Variants in VAC14 observed in about 807,000 individuals in gnomAD.
The protein encoded by VAC14 is VAC14 component of PIKFYVE complex.
A neutral mutation model predicts 85.3 loss-of-function variants in VAC14; 47 were observed. That is an observed-to-expected ratio of 0.55 (90% CI 0.44 to 0.70). The LOEUF is 0.70. Ranked by LOEUF, VAC14 falls within the 30% of genes least tolerant of loss-of-function variation. VAC14 has a pLI of 0.00. For missense variants in VAC14, 861 were observed against 1,004.3 expected (o/e 0.86, Z 1.93); for synonymous variants, 447 against 430.5 (o/e 1.04, Z -0.47).
intron 12 of VAC14, among the ~76,000 whole-genome samples, chr16:70,746,244 C>T (rs1358049869): frequency 6.6e-6 from 1 of 152,164 alleles, no homozygotes. Context: ...CAAACAGTGT[C>T]ACGTGTTGGC....
chr16:70,778,006 G>C (rs941186924), intron 9 of VAC14, among the ~76,000 whole-genome samples: 1 of 152,206 alleles, frequency 6.6e-6, no homozygotes. Flanking sequence ...GCAGGGCTGA[G>C]AGTGGATGTA....
chr16:70,703,276 T>C (rs894143678), intron 14 of VAC14, among the ~76,000 whole-genome samples: 2 of 152,210 alleles, frequency 1.3e-5, no homozygotes, highest in Admixed American at 6.5e-5. Context: ...GAAAACGCTA[T>C]TCGTCATGAG....
At chr16:70,693,947 G>T (rs888424849) in intron 17 of VAC14, among the ~76,000 whole-genome samples, 1 of 152,218 alleles carries the variant, frequency 6.6e-6, no homozygotes, top group East Asian at 1.9e-4. Flanking sequence ...ATGGAGGCCT[G>T]CTGGCGCCCT....
intron 12 of VAC14, among the ~76,000 whole-genome samples, chr16:70,745,263 G>A (rs913918249): frequency 6.6e-6 from 1 of 152,204 alleles, no homozygotes; most frequent in Non-Finnish European, 1.5e-5. Flanking sequence ...AGAGTGGGGC[G>A]TGGGACCAGT....
intron 2 of VAC14, 41 bp from the exon 3 acceptor site, chr16:70,785,910 G>A: frequency 6.4e-7 from 1 of 1,572,170 alleles, no homozygotes; most frequent in Admixed American, 1.8e-5. Context: ...AGAATGGGTT[G>A]GAGCCCAGGC....
chr16:70,717,848 T>A (rs1003571059), intron 14 of VAC14, among the ~76,000 whole-genome samples: 3 of 152,184 alleles, frequency 2.0e-5, no homozygotes, highest in African/African-American at 7.2e-5. Flanking sequence ...CGGCAAGGGT[T>A]TCACCATGTT....
chr16:70,793,321 T>G (rs558773994), intron 1 of VAC14, among the ~76,000 whole-genome samples: 1 of 152,326 alleles, frequency 6.6e-6, no homozygotes, highest in East Asian at 1.9e-4. Flanking sequence ...ACGTGCTGCA[T>G]GTTTACATAC....
At chr16:70,749,410 T>G (rs2031192863) in intron 12 of VAC14, among the ~76,000 whole-genome samples, 1 of 152,264 alleles carries the variant, frequency 6.6e-6, no homozygotes, top group South Asian at 2.1e-4. Flanking sequence ...TACACTTCAA[T>G]TGCACAATTA....
intron 13 of VAC14, among the ~76,000 whole-genome samples, chr16:70,740,821 C>T (rs2030208292): frequency 6.6e-6 from 1 of 152,348 alleles, no homozygotes; most frequent in South Asian, 2.1e-4. Context: ...AAGCCTCTGC[C>T]TTCACCGCTC....
intron 1 of VAC14, among the ~76,000 whole-genome samples, chr16:70,793,463 C>T (rs2034422001): frequency 6.6e-6 from 1 of 152,226 alleles, no homozygotes; most frequent in Non-Finnish European, 1.5e-5. Flanking sequence ...GATGATGGAT[C>T]TAAAAATCAA....
Position 70,701,717 on chromosome 16 carries a change from G to T in VAC14, c.1662-2906C>A, listed in dbSNP as rs189252432. On this transcript the variant is annotated intron_variant, in intron 14 of 18. Coordinates refer to ENST00000261776, the MANE Select transcript of VAC14 (RefSeq NM_018052.5). ...CTGCTGGGATTTGCTAGCGGCTTCC[G>T]CCTGGATCTGAAACAAACCCAGCCC... Among the ~76,000 whole-genome samples the T allele has an allele frequency of 6.4e-3, 977 of 152,252 alleles. 7 individuals carry two copies. The highest frequency in any genetic ancestry group is 9.9e-3 in the Non-Finnish European group (674 of 68,014).
At chr16:70,711,336 G>C (rs1350915366) in intron 14 of VAC14, among the ~76,000 whole-genome samples, 1 of 152,218 alleles carries the variant, frequency 6.6e-6, no homozygotes, top group Non-Finnish European at 1.5e-5. Context: ...GCAGGAGTCT[G>C]AGAGGATGGG....
chr16:70,799,092 T>C (rs978670017), intron 1 of VAC14, among the ~76,000 whole-genome samples: 5 of 152,186 alleles, frequency 3.3e-5, no homozygotes, highest in African/African-American at 9.7e-5. Flanking sequence ...GCAACAATAA[T>C]GTTGAGATGA....
chr16:70,687,967 G>T lies in VAC14; in HGVS notation c.2310C>A (p.Ser770Arg), dbSNP rs200092069. The T allele has an allele frequency of 6.4e-5, 101 of 1,589,472 alleles. 1 individual carries two copies. In the South Asian group the frequency reaches 1.0e-3, roughly 16 times the overall value. ...TCCGGTCCAGGTGGTCCCCACGCCC[G>T]CTCCGCTGGTGCCGCACTTCCAGGT... is the stretch of plus-strand genomic sequence containing the variant. ...NKHLEVRHQRSGRGDHLDRRV... is the reference protein window; with the variant it reads ...NKHLEVRHQRRGRGDHLDRRV... The change falls in exon 19 of 19, where the codon AGC becomes AGA. Residue 770 changes from serine to arginine, a missense_variant. Ser to Arg is a moderately radical substitution (Grantham distance 110). This residue lies in a region of VAC14 where 163 missense variants were observed against 162.2 expected (regional missense o/e 1.00). Transcript: ENST00000261776.
At chr16:70,787,202 C>T (rs750295614) in intron 1 of VAC14, among the ~76,000 whole-genome samples, 5 of 152,254 alleles carry the variant, frequency 3.3e-5, no homozygotes, top group South Asian at 2.1e-4. Context: ...ATGGGTTTGA[C>T]GGGAGACTGA....
At chr16:70,689,036 C>A in intron 18 of VAC14, 1 of 985,246 alleles carries the variant, frequency 1.0e-6, no homozygotes, top group Non-Finnish European at 1.2e-6. Flanking sequence ...TGGGGCCCTT[C>A]AAGTTTATGA....
intron 14 of VAC14, among the ~76,000 whole-genome samples, chr16:70,720,105 G>C (rs898415570): frequency 1.3e-5 from 2 of 152,146 alleles, no homozygotes; most frequent in Non-Finnish European, 2.9e-5. Context: ...CAGCTGTACG[G>C]TTCCATTTAT....
intron 12 of VAC14, among the ~76,000 whole-genome samples, chr16:70,759,632 A>G: frequency 6.6e-6 from 1 of 150,742 alleles, no homozygotes; most frequent in East Asian, 1.9e-4. Context: ...TGTCAAAAAA[A>G]CAAACAAACA....
At chr16:70,698,508 G>T in intron 15 of VAC14, 129 bp downstream of exon 15, 1 of 1,132,806 alleles carries the variant, frequency 8.8e-7, no homozygotes. Flanking sequence ...GTGGACCAGG[G>T]GAAGTCTCGA....
Sources: allele counts gnomAD v4.1 joint callset (sites outside exome capture counted in the v4.1 genomes callset), GRCh38; gene constraint gnomAD v4.1.1; regional missense constraint gnomAD v4.1.1; transcripts MANE v1.5; gene names NCBI Gene and HGNC (gene_info 2026-07-23, HGNC 2026-07-21).